Variants in SP100 observed in about 807,000 individuals in gnomAD.
SP100 encodes SP100 nuclear body protein.
Under a neutral mutation model 130.0 loss-of-function variants are expected in SP100, and 84 were observed. The observed-to-expected ratio is 0.65, with a 90% CI of 0.54 to 0.77. The LOEUF is 0.77. Among genes scored for constraint, SP100 ranks in the 30% least tolerant of loss-of-function variants. The pLI, the probability that SP100 is intolerant of heterozygous loss-of-function variation, is 0.00. For missense variants in SP100, 978 were observed against 1,052.2 expected, an observed-to-expected ratio of 0.93 and a Z score of 0.97; for synonymous variants, 331 against 351.7, an observed-to-expected ratio of 0.94 and a Z score of 0.66.
intron 13 of SP100, chr2:230,468,833 A>AAT (rs1415365667): frequency 4.5e-5 from 15 of 329,954 alleles, no homozygotes; most frequent in African/African-American, 2.9e-4. Context: ...AAAAAAAAAA[A>AAT]AAAAAAAAGT....
chr2:230,498,623 T>C (rs2150055449), intron 19 of SP100, 88 bp downstream of exon 19: 1 of 653,814 alleles, frequency 1.5e-6, no homozygotes, highest in East Asian at 3.5e-5. Context: ...ATGCTTTATG[T>C]AGCTGTACTT....
chr2:230,430,838 G>T (rs2063076702), intron 2 of SP100, among the ~76,000 whole-genome samples: 1 of 152,330 alleles, frequency 6.6e-6, no homozygotes, highest in Non-Finnish European at 1.5e-5. Context: ...CCTGGGCAGG[G>T]TCTCAATTTG....
At chr2:230,472,427 CAA>C (rs201703163) in intron 15 of SP100, among the ~76,000 whole-genome samples, 10 of 61,314 alleles carry the variant, frequency 1.6e-4, no homozygotes, top group East Asian at 1.6e-3. Context: ...GACTCCGTCT[CAA>C]AAAAAAAAAA....
chr2:230,532,836 A>T (rs1359931418), intron 24 of SP100, among the ~76,000 whole-genome samples: 1 of 152,178 alleles, frequency 6.6e-6, no homozygotes, highest in Non-Finnish European at 1.5e-5. Flanking sequence ...GCTGGAGTGC[A>T]GTGTCGCGAT....
chr2:230,474,124 A>G (rs1452114534), intron 16 of SP100, among the ~76,000 whole-genome samples: 1 of 152,222 alleles, frequency 6.6e-6, no homozygotes, highest in Non-Finnish European at 1.5e-5. Context: ...TAAAAATTTT[A>G]AAGCTGAACA....
intron 18 of SP100, among the ~76,000 whole-genome samples, chr2:230,496,445 T>C (rs765892416): frequency 6.6e-6 from 1 of 152,190 alleles, no homozygotes; most frequent in Non-Finnish European, 1.5e-5. Flanking sequence ...TCAGTGTCTA[T>C]TGCTTTCAGC....
At chr2:230,498,777 G>T (rs1050551862) in intron 19 of SP100, among the ~76,000 whole-genome samples, 1 of 152,116 alleles carries the variant, frequency 6.6e-6, no homozygotes. Context: ...TTCCTCTCCT[G>T]AGCTGATAAC....
chr2:230,423,559 G>A (rs567525400), intron 2 of SP100, among the ~76,000 whole-genome samples: 2 of 151,712 alleles, frequency 1.3e-5, no homozygotes, highest in Non-Finnish European at 2.9e-5. Flanking sequence ...CTTTGTTGAG[G>A]GGATTACCTT....
chr2:230,542,252 A>G (rs16827354), intron 28 of SP100, among the ~76,000 whole-genome samples: 2,025 of 152,300 alleles, frequency 0.013, 40 homozygotes, highest in African/African-American at 0.046. Flanking sequence ...GGTCCTATAT[A>G]TAACCTCAGA....
At chr2:230,512,276 C>CTTTT (rs34753799) in intron 24 of SP100, among the ~76,000 whole-genome samples, 27 of 76,112 alleles carry the variant, frequency 3.5e-4, no homozygotes, top group Non-Finnish European at 5.5e-4. Context: ...ATTGAAATGC[C>CTTTT]TTTTTTTTTT....
intron 13 of SP100, among the ~76,000 whole-genome samples, chr2:230,467,634 A>G (rs930478513): frequency 6.6e-5 from 10 of 152,194 alleles, no homozygotes; most frequent in African/African-American, 2.2e-4. Context: ...ATAACCATTC[A>G]GATCTTGTAA....
At chr2:230,419,485 A>G (rs2062708937) in intron 2 of SP100, among the ~76,000 whole-genome samples, 1 of 152,212 alleles carries the variant, frequency 6.6e-6, no homozygotes, top group Non-Finnish European at 1.5e-5. Flanking sequence ...TAATGGCCCC[A>G]AAGCACAAGA....
intron 17 of SP100, among the ~76,000 whole-genome samples, chr2:230,476,228 ACTT>A (rs950885714): frequency 6.6e-6 from 1 of 152,064 alleles, no homozygotes; most frequent in Non-Finnish European, 1.5e-5. Context: ...AGTGTTTTGT[ACTT>A]CTTCTTGTAG....
chr2:230,438,646 T>C (rs1035704874), intron 2 of SP100, among the ~76,000 whole-genome samples: 59 of 99,020 alleles, frequency 6.0e-4, no homozygotes, highest in Admixed American at 2.9e-3. Context: ...GGTGTATATA[T>C]ATACACACAC....
chr2:230,516,132 C>T, intron 24 of SP100: 10 of 937,184 alleles, frequency 1.1e-5, no homozygotes, highest in Non-Finnish European at 1.3e-5. Context: ...CCAGGTCAGT[C>T]TTCTTCCATG....
intron 24 of SP100, chr2:230,515,084 A>G (rs1318037735): frequency 6.2e-7 from 1 of 1,611,228 alleles, no homozygotes; most frequent in South Asian, 1.1e-5. Flanking sequence ...TTTTTTGTGC[A>G]AACTTGTCAG....
chr2:230,479,763 A>T (rs970663292), intron 17 of SP100, among the ~76,000 whole-genome samples: 1 of 152,254 alleles, frequency 6.6e-6, no homozygotes, highest in Admixed American at 6.5e-5. Flanking sequence ...CCATGCTCAC[A>T]GTGAAGATGG....
At chr2:230,528,115 A>G (rs1023617512) in intron 24 of SP100, among the ~76,000 whole-genome samples, 1 of 152,212 alleles carries the variant, frequency 6.6e-6, no homozygotes, top group Non-Finnish European at 1.5e-5. Context: ...CCCCAAATCA[A>G]CAGAATATAC....
At chr2:230,515,448 G>T in intron 24 of SP100, 1 of 1,613,808 alleles carries the variant, frequency 6.2e-7, no homozygotes, top group Non-Finnish European at 8.5e-7. Flanking sequence ...CTGACAAGCA[G>T]TTTTATGAAA....
Sources: allele counts gnomAD v4.1 joint callset (sites outside exome capture counted in the v4.1 genomes callset), GRCh38; gene constraint gnomAD v4.1.1; transcripts MANE v1.5; gene names NCBI Gene and HGNC (gene_info 2026-07-23, HGNC 2026-07-21).